The following LMO7 variants were observed in gnomAD, a reference collection of about 807,000 sequenced individuals.
The protein encoded by LMO7 is LIM domain only protein 7.
LMO7 carries 120 observed loss-of-function variants against 206.5 expected under a neutral mutation model. That is an observed-to-expected ratio of 0.58 (90% CI 0.50 to 0.68). The LOEUF is 0.68. Ranked by LOEUF, LMO7 falls within the 30% of genes least tolerant of loss-of-function variation. The pLI, the probability that LMO7 is intolerant of heterozygous loss-of-function variation, is 0.00. For missense variants in LMO7, 1,959 were observed against 1,957.9 expected, an observed-to-expected ratio of 1.00 and a Z score of -0.01; for synonymous variants, 706 against 681.5, an observed-to-expected ratio of 1.04 and a Z score of -0.56.
intron 28 of LMO7, among the ~76,000 whole-genome samples, 178 bp downstream of exon 28, chr13:75,853,566 C>T (rs555151529): frequency 2.0e-5 from 3 of 152,316 alleles, no homozygotes; most frequent in South Asian, 4.1e-4. Context: ...TTCCATGCAA[C>T]TCTAATAGCA....
intron 4 of LMO7, among the ~76,000 whole-genome samples, chr13:75,782,892 G>A (rs1032891984): frequency 6.6e-6 from 1 of 152,184 alleles, no homozygotes; most frequent in Non-Finnish European, 1.5e-5. Flanking sequence ...CTCCCCATCT[G>A]AAGATCTTTA....
Position 75,841,848 on chromosome 13 carries a change from A to T in LMO7, c.3896A>T (p.Glu1299Val). 1 of 1,614,150 alleles carries T rather than the reference A, an allele frequency of 6.2e-7. No individual in the cohort carries two copies. The highest frequency in any genetic ancestry group is 8.5e-7 in the Non-Finnish European group (1 of 1,180,012). The change falls in exon 24 of 31, where the codon GAG (glutamate) becomes GTG (valine). Residue 1299 changes from glutamate to valine, a missense_variant. Transcript: ENST00000377534. ...QLVIERERKW[E>V]QQLQEEQEQK... ...GTTATTGAGAGAGAGAGGAAATGGG[A>T]GCAACAGCTTCAGGAAGAGCAAGAG...
intron 1 of LMO7, among the ~76,000 whole-genome samples, chr13:75,667,430 C>T (rs768185581): frequency 1.1e-4 from 16 of 152,044 alleles, no homozygotes; most frequent in Non-Finnish European, 1.9e-4. Context: ...CCGTAGGTCC[C>T]TAAGGTTCAC....
chr13:75,816,110 G>A (rs1053728805), intron 11 of LMO7, among the ~76,000 whole-genome samples: 7 of 152,204 alleles, frequency 4.6e-5, no homozygotes, highest in African/African-American at 1.7e-4. Flanking sequence ...CCTTAATTAT[G>A]GCACTGGGAA....
At chr13:75,721,286 G>A (rs1292394246) in intron 2 of LMO7, among the ~76,000 whole-genome samples, 2 of 152,176 alleles carry the variant, frequency 1.3e-5, no homozygotes, top group Admixed American at 1.3e-4. Flanking sequence ...ATATTTCACA[G>A]AAATATTTCT....
Position 75,858,715 on chromosome 13 carries a change from C to T in LMO7, c.*772C>T, listed in dbSNP as rs2061139162. The stretch of plus-strand genomic sequence containing the variant: ...CTTTTTCTTAGGTGTATGTGTCTGA[C>T]CTCAGGCCTTTTAGCCATATTTCAG... On this transcript the variant is annotated 3_prime_UTR_variant, in exon 31 of 31. Coordinates refer to ENST00000377534, the MANE Select transcript of LMO7 (RefSeq NM_001306080.2). 1 of 152,562 alleles carries T rather than the reference C, an allele frequency of 6.6e-6. No individual in the cohort carries two copies. Among genetic ancestry groups the T allele is most frequent in the Non-Finnish European group, 1.5e-5 (1 of 68,030 alleles). 9.5% of individuals were successfully genotyped at this position (152,562 alleles called of 1,614,324 possible).
In LMO7 at chr13:75,835,318, C is replaced by G. The variant is rs1207248270; in HGVS notation, c.3312C>G (p.Phe1104Leu). The G allele has an allele frequency of 6.2e-7, 1 of 1,603,210 alleles. No homozygotes were observed. Reference protein sequence around the residue: ...KSSNLSVTTDFSESLQSSNIE... With the variant: ...KSSNLSVTTDLSESLQSSNIE... The stretch of plus-strand genomic sequence containing the variant: ...CAAATCTATCTGTAACAACTGATTT[C>G]TCCGAAAGCCTTCAGAGTTCTGTGA... The change falls in exon 18 of 31, where the codon TTC becomes TTG. Residue 1104 changes from phenylalanine (F) to leucine (L), a missense_variant. By Grantham distance (22) the Phe-to-Leu change is conservative. Coordinates refer to ENST00000377534, the MANE Select transcript of LMO7 (RefSeq NM_001306080.2).
At chr13:75,637,487 C>A (rs7996197) in intron 1 of LMO7, among the ~76,000 whole-genome samples, 60,444 of 152,002 alleles carry the variant, frequency 0.4, 12,395 homozygotes, top group East Asian at 0.5. Context: ...ATCAGGACTT[C>A]TAGCCGTTAT....
At chr13:75,850,091 C>G (rs1225312121) in intron 27 of LMO7, among the ~76,000 whole-genome samples, 1 of 152,052 alleles carries the variant, frequency 6.6e-6, no homozygotes, top group Non-Finnish European at 1.5e-5. Flanking sequence ...GCACTCCAGC[C>G]TGGATGACGG....
At chr13:75,730,133 C>T (rs1289312194) in intron 3 of LMO7, among the ~76,000 whole-genome samples, 1 of 151,998 alleles carries the variant, frequency 6.6e-6, no homozygotes, top group Non-Finnish European at 1.5e-5. Context: ...CAGGATGATG[C>T]TGGCCTCATC....
chr13:75,832,587 G>A (rs996548249), intron 15 of LMO7, among the ~76,000 whole-genome samples: 1 of 152,174 alleles, frequency 6.6e-6, no homozygotes, highest in East Asian at 1.9e-4. Flanking sequence ...TGCCACTGGA[G>A]GCTAAATTAT....
chr13:75,689,134 A>G (rs2041253232), intron 1 of LMO7: 1 of 152,170 alleles, frequency 6.6e-6, no homozygotes, highest in African/African-American at 2.4e-5. Context: ...TTCCTCTAAG[A>G]GTTCATCTTC....
intron 15 of LMO7, among the ~76,000 whole-genome samples, chr13:75,825,646 AC>A (rs1284632027): frequency 3.3e-5 from 5 of 152,094 alleles, no homozygotes; most frequent in African/African-American, 1.2e-4. Flanking sequence ...TCATGTGGTG[AC>A]TTACGTATCT....
At chr13:75,794,392 G>C (rs1003219157) in intron 4 of LMO7, among the ~76,000 whole-genome samples, 1 of 152,082 alleles carries the variant, frequency 6.6e-6, no homozygotes, top group Non-Finnish European at 1.5e-5. Context: ...GAAAGGAATG[G>C]TCTTAGTTGC....
At chr13:75,696,689 A>G (rs2041926058) in intron 1 of LMO7, among the ~76,000 whole-genome samples, 1 of 152,108 alleles carries the variant, frequency 6.6e-6, no homozygotes, top group Non-Finnish European at 1.5e-5. Flanking sequence ...AAGCTTCCCA[A>G]GTGGTTCTTC....
At chr13:75,823,899 T>C (rs2057847402) in intron 15 of LMO7, 26 bp downstream of exon 15, 2 of 1,585,914 alleles carry the variant, frequency 1.3e-6, no homozygotes, top group East Asian at 2.2e-5. Flanking sequence ...TTCTTTATCA[T>C]CTGTGGCTCA....
intron 1 of LMO7, among the ~76,000 whole-genome samples, chr13:75,653,703 C>G (rs941304897): frequency 2.8e-4 from 42 of 152,238 alleles, no homozygotes; most frequent in African/African-American, 1.0e-3. Flanking sequence ...TGTAGTGGCT[C>G]AGGTATTTTG....
In LMO7 at chr13:75,842,864, T is replaced by G. The variant is rs1441420923; in HGVS notation, c.4045T>G (p.Tyr1349Asp). The G allele has an allele frequency of 6.2e-7, 1 of 1,605,430 alleles. No individual in the cohort carries two copies. Among genetic ancestry groups the G allele is most frequent in the African/African-American group, 1.3e-5 (1 of 74,808 alleles). ...TCTATCTTTTAGGCCTGTTGATTCCTATGATATACCAAAGACAGAAGAAGC... is the reference window on the plus strand; with the variant it reads ...TCTATCTTTTAGGCCTGTTGATTCCGATGATATACCAAAGACAGAAGAAGC... The part of the protein sequence containing the change: ...IYQYRRPVDS[Y>D]DIPKTEEASS... The change falls in exon 25 of 31, where the codon TAT (tyrosine) becomes GAT (aspartate). Residue 1349 changes from tyrosine to aspartate, a missense_variant. Physicochemically the swap from Tyr to Asp is radical, Grantham distance 160. Coordinates refer to ENST00000377534, the MANE Select transcript of LMO7 (RefSeq NM_001306080.2).
chr13:75,671,355 A>T (rs2039563445), intron 1 of LMO7, among the ~76,000 whole-genome samples: 1 of 152,228 alleles, frequency 6.6e-6, no homozygotes, highest in African/African-American at 2.4e-5. Flanking sequence ...CATTTACACC[A>T]GAATCACCAC....
Sources: gnomAD v4.1 joint callset for allele counts (sites outside exome capture counted in the v4.1 genomes callset) on GRCh38, gnomAD v4.1.1 for gene constraint, MANE v1.5 for transcripts, NCBI Gene and HGNC (gene_info 2026-07-23, HGNC 2026-07-21) for gene names.